ATP10A: variants seen among roughly 807,000 people sequenced by gnomAD.
The protein encoded by ATP10A is phospholipid-transporting ATPase VA.
In ATP10A, 111 loss-of-function variants were observed where a neutral mutation model predicts 147.8. The observed-to-expected ratio is 0.75, with a 90% CI of 0.64 to 0.88. The LOEUF is 0.88. ATP10A is among the 40% of genes least tolerant of loss of function. The pLI, the probability that ATP10A is intolerant of heterozygous loss-of-function variation, is 0.00. For synonymous variants in ATP10A, 875 were observed against 841.6 expected (o/e 1.04, Z -0.69); for missense variants, 1,927 against 1,959.0 (o/e 0.98, Z 0.31).
chr15:25,833,246 G>C (rs182977199), intron 1 of ATP10A, among the ~76,000 whole-genome samples: 28 of 152,094 alleles, frequency 1.8e-4, no homozygotes, highest in African/African-American at 6.7e-4. Context: ...ACCTCCCAAA[G>C]TGCTGGGATT....
intron 1 of ATP10A, among the ~76,000 whole-genome samples, chr15:25,849,728 A>G (rs1893196116): frequency 6.6e-6 from 1 of 152,196 alleles, no homozygotes; most frequent in African/African-American, 2.4e-5. Context: ...CTCTGTCAGC[A>G]TGGCCTCCTG....
intron 5 of ATP10A, among the ~76,000 whole-genome samples, chr15:25,725,311 A>C (rs180818290): frequency 1.3e-5 from 2 of 152,186 alleles, no homozygotes; most frequent in African/African-American, 4.8e-5. Context: ...CCTTGGTGCC[A>C]AAAAGGTTGG....
intron 1 of ATP10A, chr15:25,862,438 G>T: frequency 1.5e-6 from 1 of 667,632 alleles, no homozygotes; most frequent in Non-Finnish European, 2.6e-6. Flanking sequence ...CGCATCCAGG[G>T]CGCCCCTTTA....
chr15:25,723,984 C>T lies in ATP10A; in HGVS notation c.1017G>A (p.Lys339=). The part of the protein sequence containing the change: ...GLWIWRYQEK[K]SLFYVPKSDG... ...CAGACTTGGGGACATAAAATAATGACTTCTTCTCTTGATACCGCCATATCC... is the reference window on the plus strand; with the variant it reads ...CAGACTTGGGGACATAAAATAATGATTTCTTCTCTTGATACCGCCATATCC... Residue 339 remains lysine (K), a synonymous_variant, in exon 6 of 21, where the codon AAG becomes AAA. Transcript: ENST00000555815. 1 of 1,607,612 alleles carries T rather than the reference C, an allele frequency of 6.2e-7. No homozygotes were observed. Among genetic ancestry groups the T allele is most frequent in the Non-Finnish European group, 8.5e-7 (1 of 1,177,526 alleles).
At chr15:25,853,203 G>A (rs1893367505) in intron 1 of ATP10A, among the ~76,000 whole-genome samples, 1 of 152,188 alleles carries the variant, frequency 6.6e-6, no homozygotes, top group Non-Finnish European at 1.5e-5. Context: ...GTCAGGCTAA[G>A]AGTCTTCTAA....
intron 1 of ATP10A, among the ~76,000 whole-genome samples, chr15:25,816,515 T>C (rs1205493253): frequency 6.6e-6 from 1 of 152,164 alleles, no homozygotes; most frequent in African/African-American, 2.4e-5. Flanking sequence ...ACAGTAAAAA[T>C]ATGAAATACA....
intron 3 of ATP10A, among the ~76,000 whole-genome samples, chr15:25,735,680 G>A (rs1010221473): frequency 6.6e-6 from 1 of 152,202 alleles, no homozygotes; most frequent in Non-Finnish European, 1.5e-5. Flanking sequence ...CAGTGACTGA[G>A]TGGAAGCATA....
intron 13 of ATP10A, among the ~76,000 whole-genome samples, chr15:25,698,276 A>T (rs969395873): frequency 1.3e-5 from 2 of 152,236 alleles, no homozygotes; most frequent in African/African-American, 2.4e-5. Flanking sequence ...TTTTCTCTAA[A>T]TTTGAAACAA....
At chr15:25,691,662 C>G in intron 15 of ATP10A, 53 bp downstream of exon 15, 1 of 1,586,004 alleles carries the variant, frequency 6.3e-7, no homozygotes, top group Non-Finnish European at 8.7e-7. Flanking sequence ...GGTGACAGGA[C>G]AAGAGGTCAG....
chr15:25,855,278 C>T (rs139243535), intron 1 of ATP10A, among the ~76,000 whole-genome samples: 1 of 152,220 alleles, frequency 6.6e-6, no homozygotes, highest in East Asian at 1.9e-4. Context: ...ATGGATTGTA[C>T]ACCATGACCA....
At chr15:25,692,035 G>A (rs1056484148) in intron 14 of ATP10A, among the ~76,000 whole-genome samples, 4 of 152,076 alleles carry the variant, frequency 2.6e-5, no homozygotes, top group Non-Finnish European at 4.4e-5. Context: ...GGTACATGGC[G>A]CCTGCTCTGC....
intron 2 of ATP10A, among the ~76,000 whole-genome samples, chr15:25,749,925 A>G (rs1017734469): frequency 2.0e-5 from 3 of 152,166 alleles, no homozygotes; most frequent in Non-Finnish European, 4.4e-5. Flanking sequence ...AACTATCCAA[A>G]CGGAAATACT....
intron 1 of ATP10A, among the ~76,000 whole-genome samples, chr15:25,845,974 G>A (rs1055134559): frequency 3.3e-5 from 5 of 152,188 alleles, no homozygotes; most frequent in Admixed American, 2.6e-4. Flanking sequence ...AATGGTGTCC[G>A]CCTCAGAAAG....
rs1899272287 is a variant in ATP10A, at chr15:25,679,681, C to T, written c.4160G>A (p.Gly1387Glu). Residue 1387 changes from glycine (G) to glutamate (E), a missense_variant, in exon 21 of 21, where the codon GGG (glycine) becomes GAG (glutamate). By Grantham distance (98) the Gly-to-Glu change is moderately conservative (BLOSUM62 -2). Transcript: ENST00000555815. ...MPVREHTLLE[G>E]LSAPAPMSSA... is the part of the protein sequence containing the mutation. ...GGACATGGGGGCCGGTGCGCTCAGC[C>T]CCTCCAGCAGGGTGTGCTCCCTCAC... 3.1e-6 allele frequency: 5 copies of T among 1,613,236 alleles called. No individual in the cohort carries two copies. Among genetic ancestry groups the T allele is most frequent in the African/African-American group, 1.3e-5 (1 of 75,026 alleles).
chr15:25,695,108 G>A lies in ATP10A; in HGVS notation c.2799C>T (p.Tyr933=), dbSNP rs1450116487. The A allele has an allele frequency of 8.1e-6, 13 of 1,613,958 alleles. No homozygotes were observed. The highest frequency in any genetic ancestry group is 8.0e-5 in the African/African-American group (6 of 74,924). ...CTCTCTGGAGGCCTCTGGACTGCAC[G>A]TAGCATAGGCACTGGTCTAGCAGGG... ...CAALLDQCLC[Y]VQSRGLQRAP... Residue 933 remains tyrosine, a synonymous_variant, in exon 14 of 21, where the codon TAC becomes TAT. Transcript: ENST00000555815.
intron 2 of ATP10A, among the ~76,000 whole-genome samples, chr15:25,776,371 C>T (rs1407879567): frequency 6.6e-6 from 1 of 152,220 alleles, no homozygotes; most frequent in African/African-American, 2.4e-5. Context: ...CTCCTGACTT[C>T]ACTTTTTCTG....
rs1047866968 is a variant in ATP10A, at chr15:25,736,264, T to C, written c.655-123A>G. 10 of 732,778 alleles carry C rather than the reference T, an allele frequency of 1.4e-5. No homozygotes were observed. The East Asian group carries it at 2.4e-4, about 18-fold the overall frequency. 45.4% of individuals were successfully genotyped at this position (732,778 alleles called of 1,614,324 possible). On this transcript the variant is annotated intron_variant, in intron 2 of 20. Transcript: ENST00000555815. ...TTTCACGGGGGAAGAACTCTGCCTATGAATCTCTCTGGAAAGCCAAAGCAA... is the reference window on the plus strand; with the variant it reads ...TTTCACGGGGGAAGAACTCTGCCTACGAATCTCTCTGGAAAGCCAAAGCAA...
chr15:25,817,298 G>T (rs1891703302), intron 1 of ATP10A, among the ~76,000 whole-genome samples: 1 of 152,024 alleles, frequency 6.6e-6, no homozygotes, highest in Admixed American at 6.5e-5. Flanking sequence ...GGTCAGGCTG[G>T]TCTCAAACTC....
chr15:25,862,105 A>G (rs1893786993), intron 1 of ATP10A: 2 of 349,628 alleles, frequency 5.7e-6, no homozygotes, highest in Admixed American at 7.1e-5. Flanking sequence ...ACAGTGGAGG[A>G]TGGACACTGC....
Sources: gnomAD v4.1 joint callset for allele counts (sites outside exome capture counted in the v4.1 genomes callset) on GRCh38, gnomAD v4.1.1 for gene constraint, MANE v1.5 for transcripts, NCBI Gene and HGNC (gene_info 2026-07-23, HGNC 2026-07-21) for gene names.